Variants in TUBGCP2 observed in about 807,000 individuals in gnomAD.
TUBGCP2 encodes the protein gamma-tubulin complex component 2.
A neutral mutation model predicts 92.2 loss-of-function variants in TUBGCP2; 55 were observed. That is an observed-to-expected ratio of 0.60 (90% CI 0.48 to 0.75). The LOEUF is 0.75. Ranked by LOEUF, TUBGCP2 falls within the 30% of genes least tolerant of loss-of-function variation. TUBGCP2 has a pLI of 0.00. For synonymous variants in TUBGCP2, 533 were observed against 505.2 expected (o/e 1.06, Z -0.74); for missense variants, 1,093 against 1,188.9 (o/e 0.92, Z 1.19).
In TUBGCP2 at chr10:133,282,477, T is replaced by C. The variant is rs1847008923; in HGVS notation, c.2290-135A>G. On this transcript the variant is annotated intron_variant, in intron 15 of 17. Coordinates refer to ENST00000252936, the MANE Select transcript of TUBGCP2 (RefSeq NM_006659.4). ...GCGGCTGGGGGTACACAAGCATCTCTGAGGCTGCAGGGGAAATGACTTATC... is the reference window on the plus strand; with the variant it reads ...GCGGCTGGGGGTACACAAGCATCTCCGAGGCTGCAGGGGAAATGACTTATC... 12 of 1,249,670 alleles carry C rather than the reference T, an allele frequency of 9.6e-6. No homozygotes were observed. In the South Asian group the frequency reaches 1.8e-4, roughly 18 times the overall value. The allele number at this position is 1,249,670 out of a possible 1,614,324, so 77.4% of individuals were successfully genotyped here.
intron 2 of TUBGCP2, chr10:133,302,506 T>G (rs376127357): frequency 7.3e-6 from 2 of 273,976 alleles, no homozygotes; most frequent in Non-Finnish European, 6.4e-6. Context: ...CCAGGGGCGG[T>G]GCTCATCATG....
Position 133,279,821 on chromosome 10 carries a change from G to A in TUBGCP2, c.2654C>T (p.Pro885Leu), listed in dbSNP as rs755627692. ...ERSQKATPQV[P>L]VLRGPPAPAP... ...AGGAGCCGGGGGCCCCCGCAGGACA[G>A]GCACTTGGGGGGTGGCCTTCTGGCT... Residue 885 changes from proline (P) to leucine (L), a missense_variant, in exon 18 of 18, where the codon CCT (proline) becomes CTT (leucine). This residue lies in a region of TUBGCP2 where 598 missense variants were observed against 675.5 expected (regional missense o/e 0.89). Transcript: ENST00000252936. 6.3e-7 allele frequency: 1 copy of A among 1,590,276 alleles called. No individual in the cohort carries two copies. The highest frequency in any genetic ancestry group is 8.6e-7 in the Non-Finnish European group (1 of 1,169,366).
intron 7 of TUBGCP2, 141 bp from the exon 8 acceptor site, chr10:133,292,829 G>C: frequency 8.5e-7 from 1 of 1,177,792 alleles, no homozygotes; most frequent in Non-Finnish European, 1.2e-6. Context: ...TTAACTGTAA[G>C]GTTGTAGTTG....
At chr10:133,279,935 C>G (rs560868394) in intron 17 of TUBGCP2, 34 bp from the exon 18 acceptor site, 29 of 1,599,518 alleles carry the variant, frequency 1.8e-5, no homozygotes, top group Non-Finnish European at 2.4e-5. Flanking sequence ...GGGGTGCACA[C>G]CCCTTCTGCG....
chr10:133,297,406 T>A, intron 5 of TUBGCP2: 1 of 451,714 alleles, frequency 2.2e-6, no homozygotes, highest in Non-Finnish European at 4.4e-6. Context: ...TCAAAAGAAC[T>A]AAAAATAAAT....
At position 133,302,232 on chromosome 10, in the gene TUBGCP2, G is replaced by A. The variant is rs553692601; in HGVS notation, c.150+560C>T. On this transcript the variant is annotated intron_variant, in intron 2 of 17. Transcript: ENST00000252936. ...CACAGACCAAGTGCTGTCTGCCATC[G>A]TTGCCGGTACCATTGAGGCCACCCA... 5.2e-4 allele frequency: 86 copies of A among 164,340 alleles called. 1 individual carries two copies. The highest frequency in any genetic ancestry group is 1.5e-3 in the Admixed American group (25 of 16,858). The allele number at this position is 164,340 out of a possible 1,614,324, so 10.2% of individuals were successfully genotyped here. A position where few individuals can be genotyped will look rare whatever the true frequency, so the allele number is the denominator to read the frequency against.
At chr10:133,298,743 A>G (rs951755814) in intron 4 of TUBGCP2, among the ~76,000 whole-genome samples, 8 of 152,368 alleles carry the variant, frequency 5.3e-5, no homozygotes, top group African/African-American at 1.7e-4. Context: ...AGTAAGACCC[A>G]GTCTTCTGCC....
chr10:133,285,199 C>G lies in TUBGCP2; in HGVS notation c.1910G>C (p.Arg637Pro), dbSNP rs144070803. The G allele has an allele frequency of 1.2e-6, 2 of 1,612,730 alleles. No individual in the cohort carries two copies. Among genetic ancestry groups the G allele is most frequent in the African/African-American group, 2.7e-5 (2 of 75,062 alleles). The change falls in exon 13 of 18, where the codon CGC (arginine) becomes CCC (proline). Residue 637 changes from arginine to proline, a missense_variant. By Grantham distance (103) the Arg-to-Pro change is moderately radical. This residue lies in a region of TUBGCP2 where 598 missense variants were observed against 675.5 expected (regional missense o/e 0.89). Transcript: ENST00000252936. The surrounding 1 kb of genome is among the most constrained non-coding windows in gnomAD (Gnocchi z 6.8). Reference sequence around the variant, plus strand: ...CATGTGCCTGAAGAGCATCTGGTAGCGAGTGAGGGCTTTCCTGCAAGAGAC... The same window carrying G: ...CATGTGCCTGAAGAGCATCTGGTAGGGAGTGAGGGCTTTCCTGCAAGAGAC... ...SLIINRKALT[R>P]YQMLFRHMFY...
chr10:133,310,939 C>T (rs1433489540), upstream of TUBGCP2, among the ~76,000 whole-genome samples: 4 of 152,036 alleles, frequency 2.6e-5, no homozygotes, highest in Non-Finnish European at 5.9e-5. Context: ...AGTGCTAGGA[C>T]TACCAACACG....
chr10:133,308,925 C>G (rs1023741116), upstream of TUBGCP2: 75 of 1,216,140 alleles, frequency 6.2e-5, no homozygotes, highest in Non-Finnish European at 7.2e-5. Flanking sequence ...ACAGGCTGCG[C>G]CCGCCCGCGC....
chr10:133,294,966 A>G (rs1453464532), intron 5 of TUBGCP2, among the ~76,000 whole-genome samples: 1 of 152,194 alleles, frequency 6.6e-6, no homozygotes. Flanking sequence ...TTTTGGGAAC[A>G]GCGAGTGCAT....
chr10:133,311,996 A>G (rs1187524900), upstream of TUBGCP2: 7 of 1,602,990 alleles, frequency 4.4e-6, 1 homozygote, highest in South Asian at 7.7e-5. Flanking sequence ...AAGTCCAGAT[A>G]TCTCAGGTCC....
rs764699285 is a variant in TUBGCP2, at chr10:133,285,635, G to A, written c.1723-7C>T. The A allele has an allele frequency of 6.6e-7, 1 of 1,503,988 alleles. No individual in the cohort carries two copies. The highest frequency in any genetic ancestry group is 8.9e-7 in the Non-Finnish European group (1 of 1,126,476). 93.2% of individuals were successfully genotyped at this position (1,503,988 alleles called of 1,614,324 possible). On this transcript the variant is annotated splice_polypyrimidine_tract_variant and splice_region_variant and intron_variant, in intron 11 of 17. Coordinates refer to ENST00000252936, the MANE Select transcript of TUBGCP2 (RefSeq NM_006659.4). The surrounding 1 kb of genome is among the most constrained non-coding windows in gnomAD (Gnocchi z 6.8). The stretch of plus-strand genomic sequence containing the variant: ...CATGGGGCATCAGGTCGATCTTGGA[G>A]GGAAGGAAATGAAACAAAGCATCCA...
In TUBGCP2 at chr10:133,302,975, G is replaced by A. The variant is rs770063363; in HGVS notation, c.-34C>T. 3 of 1,613,176 alleles carry A rather than the reference G, an allele frequency of 1.9e-6. No homozygotes were observed. Among genetic ancestry groups the A allele is most frequent in the Non-Finnish European group, 2.5e-6 (3 of 1,179,420 alleles). On this transcript the variant is annotated 5_prime_UTR_variant, in exon 2 of 18. Transcript: ENST00000252936. Reference sequence around the variant, plus strand: ...CTCTGAGGCACGAACATCACAATATGTTCTCCTATAGGTAAGAAGACAGCT... The same window carrying A: ...CTCTGAGGCACGAACATCACAATATATTCTCCTATAGGTAAGAAGACAGCT...
At chr10:133,289,776 A>C in intron 9 of TUBGCP2, 48 bp downstream of exon 9, 1 of 71,920 alleles carries the variant, frequency 1.4e-5, no homozygotes, top group South Asian at 1.8e-4. Flanking sequence ...GAGACTCTCC[A>C]GGCAGAGCTG....
At chr10:133,311,716 C>T (rs1272337484), upstream of TUBGCP2, 4 of 1,611,680 alleles carry the variant, frequency 2.5e-6, no homozygotes, top group Non-Finnish European at 2.5e-6. Context: ...CTCCCCGCAG[C>T]CCAGCCTCAG....
intron 11 of TUBGCP2, among the ~76,000 whole-genome samples, chr10:133,287,087 C>A (rs1043303263): frequency 1.3e-5 from 2 of 152,130 alleles, no homozygotes; most frequent in African/African-American, 4.8e-5. Flanking sequence ...AAAGAAGATT[C>A]AAATTACTAA....
upstream of TUBGCP2, chr10:133,309,063 C>T (rs554830924): frequency 7.7e-6 from 10 of 1,293,940 alleles, no homozygotes; most frequent in East Asian, 6.0e-5. Context: ...TTGCGCGCCC[C>T]GTGCGCTTCC....
At chr10:133,289,717 CA>C in intron 9 of TUBGCP2, 106 bp downstream of exon 9, 1 of 1,326,648 alleles carries the variant, frequency 7.5e-7, no homozygotes, top group Non-Finnish European at 1.0e-6. Context: ...GGGCTCAGGG[CA>C]ACCACAGGGT....
Sources: gnomAD v4.1 joint callset for allele counts (sites outside exome capture counted in the v4.1 genomes callset) on GRCh38, gnomAD v4.1.1 for gene constraint, gnomAD v4.1.1 regional missense constraint, Gnocchi (gnomAD v3.1) non-coding constraint, MANE v1.5 for transcripts, NCBI Gene and HGNC (gene_info 2026-07-23, HGNC 2026-07-21) for gene names.